The following MYBPC1 variants were observed in gnomAD, a reference collection of about 807,000 sequenced individuals.
MYBPC1 encodes myosin binding protein C1.
Under a neutral mutation model 147.1 loss-of-function variants are expected in MYBPC1, and 52 were observed. That is an observed-to-expected ratio of 0.35 (90% CI 0.28 to 0.45). MYBPC1 has a LOEUF of 0.45. MYBPC1 is among the 20% of genes least tolerant of loss of function. The pLI is 1.00. For missense variants in MYBPC1, 1,228 were observed against 1,440.3 expected, an observed-to-expected ratio of 0.85 and a Z score of 2.39; for synonymous variants, 477 against 475.9, an observed-to-expected ratio of 1.00 and a Z score of -0.03.
intron 6 of MYBPC1, among the ~76,000 whole-genome samples, 173 bp from the exon 7 acceptor site, chr12:101,631,398 C>G (rs776435239): frequency 4.2e-4 from 64 of 152,134 alleles, no homozygotes; most frequent in Non-Finnish European, 7.6e-4. Context: ...GCTGGGACAG[C>G]CTAAGGACCT....
downstream of MYBPC1, among the ~76,000 whole-genome samples, chr12:101,686,170 T>C (rs556438868): frequency 6.6e-6 from 1 of 152,344 alleles, no homozygotes; most frequent in Non-Finnish European, 1.5e-5. Flanking sequence ...TAAAACATTT[T>C]TAAAAGTCTA....
In MYBPC1 at chr12:101,618,904, T is replaced by C. The variant is rs1048655399; in HGVS notation, c.103+1661T>C. ...GTGTGTGTGTGTGTGTCTGTATATA[T>C]ATTATATAATGGCAAATACATGTAT... On this transcript the variant is annotated intron_variant, in intron 3 of 31. Coordinates refer to ENST00000361466, the MANE Select transcript of MYBPC1 (RefSeq NM_002465.4). 4.6e-5 allele frequency among the ~76,000 whole-genome samples: 7 copies of C among 150,980 alleles called. 1 individual carries two copies. Among genetic ancestry groups the C allele is most frequent in the East Asian group, 1.9e-4 (1 of 5,172 alleles).
intron 1 of MYBPC1, among the ~76,000 whole-genome samples, chr12:101,613,253 TCCTAGA>T (rs1884901430): frequency 6.6e-6 from 1 of 152,184 alleles, no homozygotes; most frequent in Admixed American, 6.5e-5. Context: ...ATTCCAGCCT[TCCTAGA>T]CTAGAACGGG....
At chr12:101,604,303 GA>G (rs1319493092) in intron 1 of MYBPC1, among the ~76,000 whole-genome samples, 8 of 151,788 alleles carry the variant, frequency 5.3e-5, no homozygotes, top group East Asian at 1.9e-4. Flanking sequence ...ACTAGGGGAG[GA>G]AAAAAAACCC....
At chr12:101,681,340 C>G (rs771716918) in intron 29 of MYBPC1, among the ~76,000 whole-genome samples, 73 of 151,666 alleles carry the variant, frequency 4.8e-4, no homozygotes, top group Non-Finnish European at 9.3e-4. Flanking sequence ...TGTGTTTTCT[C>G]TCATTCTTAA....
At chr12:101,694,583 T>C in the MYBPC1 span, among the ~76,000 whole-genome samples, 77,973 of 152,080 alleles carry the variant, frequency 0.51, 21,003 homozygotes, top group Admixed American at 0.6. Flanking sequence ...TCTCTGTCTG[T>C]CATGTGAAGA....
intron 3 of MYBPC1, among the ~76,000 whole-genome samples, chr12:101,619,310 C>T (rs768365037): frequency 6.6e-6 from 1 of 152,032 alleles, no homozygotes; most frequent in Non-Finnish European, 1.5e-5. Flanking sequence ...TTTATCTCCC[C>T]TTCTTTCTCC....
chr12:101,646,696 C>T, intron 12 of MYBPC1, 67 bp from the exon 13 acceptor site: 1 of 1,569,280 alleles, frequency 6.4e-7, no homozygotes, highest in Non-Finnish European at 8.7e-7. Context: ...GCCAAATTTG[C>T]TGGCAATAAA....
chr12:101,659,550 A>G (rs1896168773), intron 18 of MYBPC1, 122 bp from the exon 19 acceptor site: 1 of 1,017,990 alleles, frequency 9.8e-7, no homozygotes. Flanking sequence ...TCCACCAAAT[A>G]CACTATATAA....
chr12:101,607,776 T>C (rs2135694552), intron 1 of MYBPC1, among the ~76,000 whole-genome samples: 1 of 152,276 alleles, frequency 6.6e-6, no homozygotes, highest in Middle Eastern at 3.4e-3. Flanking sequence ...AGAAGAGAAC[T>C]GGGTGTTTTG....
At chr12:101,620,263 G>A (rs1887074189) in intron 3 of MYBPC1, among the ~76,000 whole-genome samples, 1 of 152,172 alleles carries the variant, frequency 6.6e-6, no homozygotes, top group Non-Finnish European at 1.5e-5. Flanking sequence ...TACAAATAAC[G>A]CTGTCCTGGC....
At chr12:101,628,534 G>A (rs914429586) in intron 5 of MYBPC1, among the ~76,000 whole-genome samples, 5 of 152,122 alleles carry the variant, frequency 3.3e-5, no homozygotes, top group African/African-American at 1.2e-4. Flanking sequence ...AATTAAATGT[G>A]CATTTTCCTT....
downstream of MYBPC1, among the ~76,000 whole-genome samples, chr12:101,687,060 A>G (rs1052574352): frequency 5.9e-5 from 9 of 151,556 alleles, no homozygotes; most frequent in African/African-American, 2.2e-4. Flanking sequence ...GCTATAACCC[A>G]TTGTTTTTAT....
At chr12:101,693,143 TCA>T in the MYBPC1 span, among the ~76,000 whole-genome samples, 1 of 152,054 alleles carries the variant, frequency 6.6e-6, no homozygotes, top group East Asian at 1.9e-4. Context: ...AGACAGGGCT[TCA>T]CCGTGTTAGC....
downstream of MYBPC1, among the ~76,000 whole-genome samples, chr12:101,690,325 A>G (rs189594324): frequency 3.7e-3 from 567 of 152,280 alleles, 5 homozygotes; most frequent in African/African-American, 0.013. Context: ...TTGCTTAGCT[A>G]TTATTTGGAG....
chr12:101,650,711 T>A (rs752373895), intron 15 of MYBPC1: 7 of 174,826 alleles, frequency 4.0e-5, no homozygotes, highest in Non-Finnish European at 8.6e-5. Context: ...TTTTAAAATA[T>A]AAGAACCCAG....
chr12:101,650,502 C>T (rs573320346), intron 15 of MYBPC1, among the ~76,000 whole-genome samples: 3 of 152,238 alleles, frequency 2.0e-5, no homozygotes, highest in African/African-American at 7.2e-5. Flanking sequence ...AGCAAAATGG[C>T]AAAAGTCCCT....
chr12:101,639,965 T>A (rs1368466960), intron 10 of MYBPC1, among the ~76,000 whole-genome samples: 2 of 152,066 alleles, frequency 1.3e-5, no homozygotes, highest in Non-Finnish European at 2.9e-5. Flanking sequence ...TAATCTAGAT[T>A]GAGGGAACAC....
At chr12:101,667,292 A>AT (rs56215218) in intron 22 of MYBPC1, among the ~76,000 whole-genome samples, 118,278 of 152,104 alleles carry the variant, frequency 0.78, 47,921 homozygotes, top group East Asian at 0.99. Context: ...ATAAAAACAT[A>AT]TATATGACTA....
Sources: gnomAD v4.1 joint callset for allele counts (sites outside exome capture counted in the v4.1 genomes callset) on GRCh38, gnomAD v4.1.1 for gene constraint, MANE v1.5 for transcripts, NCBI Gene and HGNC (gene_info 2026-07-23, HGNC 2026-07-21) for gene names.